KCNH1: variants seen among roughly 807,000 people sequenced by gnomAD.
KCNH1 encodes voltage-gated delayed rectifier potassium channel KCNH1.
In KCNH1, 27 loss-of-function variants were observed where a neutral mutation model predicts 69.2. The observed-to-expected ratio is 0.39, with a 90% CI of 0.29 to 0.54. KCNH1 has a LOEUF of 0.54. Among genes scored for constraint, KCNH1 ranks in the 20% least tolerant of loss-of-function variants. KCNH1 has a pLI of 0.68. For missense variants in KCNH1, 798 were observed against 1,261.6 expected (o/e 0.63, Z 5.57); for synonymous variants, 456 against 487.7 (o/e 0.93, Z 0.86).
chr1:210,763,351 A>G (rs944545659), intron 10 of KCNH1, among the ~76,000 whole-genome samples: 11 of 152,174 alleles, frequency 7.2e-5, no homozygotes, highest in South Asian at 2.1e-4. Flanking sequence ...CCTATTCAAC[A>G]TAGTAATGGA....
chr1:210,998,144 C>A (rs1055247104), intron 6 of KCNH1, among the ~76,000 whole-genome samples: 1 of 152,092 alleles, frequency 6.6e-6, no homozygotes, highest in African/African-American at 2.4e-5. Flanking sequence ...AATGACAGGA[C>A]CAAATACTGC....
chr1:210,961,292 G>C (rs1688288257), intron 6 of KCNH1, among the ~76,000 whole-genome samples: 1 of 149,946 alleles, frequency 6.7e-6, no homozygotes, highest in African/African-American at 2.5e-5. Context: ...TTTTATTCTT[G>C]TAACAGCATC....
chr1:211,133,927 T>C lies in KCNH1; in HGVS notation c.19A>G (p.Arg7Gly). 6.2e-7 allele frequency: 1 copy of C among 1,609,614 alleles called. No individual in the cohort carries two copies. The highest frequency in any genetic ancestry group is 8.5e-7 in the Non-Finnish European group (1 of 1,178,142). Residue 7 changes from arginine to glycine, a missense_variant, in exon 1 of 11, where the codon AGG becomes GGG. Around this residue, in one of 4 missense-constraint regions of KCNH1, gnomAD observed 266 missense variants for 457.2 expected, o/e 0.58. Coordinates refer to ENST00000271751, the MANE Select transcript of KCNH1 (RefSeq NM_172362.3). This position sits in a 1 kb window ranked among gnomAD's most constrained non-coding sequence, Gnocchi z 5.4. MTMAGG[R>G]RGLVAPQNTF... Reference sequence around the variant, plus strand: ...TTTTGAGGGGCCACTAGTCCCCTCCTGCCCCCAGCCATGGTCATCCTCCCA... The same window carrying C: ...TTTTGAGGGGCCACTAGTCCCCTCCCGCCCCCAGCCATGGTCATCCTCCCA...
At chr1:210,884,775 T>A (rs576631445) in intron 7 of KCNH1, among the ~76,000 whole-genome samples, 5 of 152,354 alleles carry the variant, frequency 3.3e-5, no homozygotes, top group Admixed American at 1.3e-4. Flanking sequence ...CCCTGCTCTC[T>A]GCCAGACATT....
chr1:210,892,064 C>A (rs148284304), intron 7 of KCNH1, among the ~76,000 whole-genome samples: 1 of 152,064 alleles, frequency 6.6e-6, no homozygotes, highest in African/African-American at 2.4e-5. Context: ...GCCTGTCAGG[C>A]GGTCAGGGGG....
At chr1:211,028,568 G>C (rs1437571446) in intron 5 of KCNH1, among the ~76,000 whole-genome samples, 2 of 151,782 alleles carry the variant, frequency 1.3e-5, no homozygotes, top group Non-Finnish European at 2.9e-5. Context: ...AAAATAAAAA[G>C]AGAAGACAGA....
intron 7 of KCNH1, among the ~76,000 whole-genome samples, chr1:210,823,253 AC>A (rs1458676412): frequency 1.3e-5 from 2 of 152,310 alleles, no homozygotes; most frequent in South Asian, 4.1e-4. Flanking sequence ...TGAAAAAAAA[AC>A]AACCCAAATT....
intron 6 of KCNH1, among the ~76,000 whole-genome samples, chr1:210,964,225 A>G (rs1047068552): frequency 4.6e-5 from 7 of 152,208 alleles, no homozygotes; most frequent in African/African-American, 1.7e-4. Context: ...TCCTTTACAG[A>G]CGAGCAAATG....
chr1:210,791,789 T>G (rs542484053), intron 9 of KCNH1, among the ~76,000 whole-genome samples: 2 of 152,324 alleles, frequency 1.3e-5, no homozygotes, highest in East Asian at 3.9e-4. Context: ...CTCTGGTGAT[T>G]GCTAAATAAA....
intron 7 of KCNH1, among the ~76,000 whole-genome samples, chr1:210,820,404 G>A (rs999265422): frequency 6.6e-6 from 1 of 152,120 alleles, no homozygotes; most frequent in African/African-American, 2.4e-5. Context: ...GGGAGGCTGA[G>A]GCGGGTGGAT....
rs554777500 is a variant in KCNH1, at chr1:210,742,713, G to A, written c.2112+32635C>T. On this transcript the variant is annotated intron_variant, in intron 10 of 10. Transcript: ENST00000271751. The stretch of plus-strand genomic sequence containing the variant: ...AGACAAGGGCTCAGGGGCTCAAGGA[G>A]AAGCTGTCTGGAAGGCAATCATATC... Among the ~76,000 whole-genome samples, 3 of 152,304 alleles carry A rather than the reference G, an allele frequency of 2.0e-5. No homozygotes were observed. The South Asian group carries it at 6.2e-4, about 32-fold the overall frequency.
rs774703342 is a variant in KCNH1 at position 210,872,785 on chromosome 1, G to T, written c.1462+46855C>A. On this transcript the variant is annotated intron_variant, in intron 7 of 10. Transcript: ENST00000271751. ...CCATTCATAAGAACTCTGCCCCCAT[G>T]ATCCAATCACCTCCCACCAGGTCCC... Among the ~76,000 whole-genome samples, 9 of 152,224 alleles carry T rather than the reference G, an allele frequency of 5.9e-5. No individual in the cohort carries two copies. The South Asian group carries it at 1.5e-3, about 25-fold the overall frequency.
chr1:210,890,590 CA>C (rs1686722472), intron 7 of KCNH1, among the ~76,000 whole-genome samples: 1 of 152,024 alleles, frequency 6.6e-6, no homozygotes. Context: ...AAGGAACTAT[CA>C]TCAGAGTGAA....
intron 10 of KCNH1, among the ~76,000 whole-genome samples, chr1:210,770,279 G>A (rs868042710): frequency 7.9e-5 from 12 of 152,242 alleles, no homozygotes; most frequent in Middle Eastern, 3.4e-3. Context: ...CCTAGATGAT[G>A]GGTTGATAGG....
At chr1:211,124,238 A>G (rs1691738016) in intron 1 of KCNH1, among the ~76,000 whole-genome samples, 2 of 152,224 alleles carry the variant, frequency 1.3e-5, no homozygotes, top group South Asian at 2.1e-4. Flanking sequence ...ACTGAAAAGC[A>G]AGGGCAGGCA....
intron 5 of KCNH1, among the ~76,000 whole-genome samples, chr1:211,049,211 G>A (rs917326570): frequency 6.6e-6 from 1 of 152,148 alleles, no homozygotes; most frequent in Non-Finnish European, 1.5e-5. Flanking sequence ...AAAATATAAT[G>A]CAACAAGTGG....
intron 3 of KCNH1, among the ~76,000 whole-genome samples, chr1:211,098,628 A>G (rs973323915): frequency 6.6e-6 from 1 of 152,226 alleles, no homozygotes; most frequent in Non-Finnish European, 1.5e-5. Context: ...AGACTGGGAA[A>G]AAAAGAACTA....
At chr1:210,859,306 T>C in intron 7 of KCNH1, 1 of 1,514,238 alleles carries the variant, frequency 6.6e-7, no homozygotes, top group Admixed American at 1.7e-5. Flanking sequence ...CCAGAGTTAC[T>C]GTGTCTGTAA....
At chr1:210,752,022 G>C (rs1173448327) in intron 10 of KCNH1, among the ~76,000 whole-genome samples, 2 of 152,090 alleles carry the variant, frequency 1.3e-5, no homozygotes, top group Non-Finnish European at 2.9e-5. Context: ...GATGGGAGGA[G>C]GTAAGGTAGT....
Sources: gnomAD v4.1 joint callset for allele counts (sites outside exome capture counted in the v4.1 genomes callset) on GRCh38, gnomAD v4.1.1 for gene constraint, gnomAD v4.1.1 regional missense constraint, Gnocchi (gnomAD v3.1) non-coding constraint, MANE v1.5 for transcripts, NCBI Gene and HGNC (gene_info 2026-07-23, HGNC 2026-07-21) for gene names.